Variants in ZSCAN5A observed in about 807,000 individuals in gnomAD.
The protein encoded by ZSCAN5A is zinc finger and SCAN domain-containing protein 5A.
Under a neutral mutation model 23.7 loss-of-function variants are expected in ZSCAN5A, and 12 were observed. The ratio of observed to expected loss-of-function variants is 0.51; its 90% confidence interval spans 0.32 to 0.82. The LOEUF (loss-of-function observed/expected upper bound fraction) is 0.82. Among genes scored for constraint, ZSCAN5A ranks in the 40% least tolerant of loss-of-function variants. ZSCAN5A has a pLI of 0.03. For missense variants in ZSCAN5A, 597 were observed against 617.9 expected (o/e 0.97, Z 0.36); for synonymous variants, 257 against 239.9 (o/e 1.07, Z -0.66).
intron 2 of ZSCAN5A, among the ~76,000 whole-genome samples, chr19:56,237,409 T>C (rs1487960402): frequency 6.6e-6 from 1 of 152,200 alleles, no homozygotes; most frequent in East Asian, 1.9e-4. Context: ...CACTTTATTA[T>C]AAAATAGGTT....
chr19:56,276,129 C>G (rs1263767215), intron 2 of ZSCAN5A, among the ~76,000 whole-genome samples: 2 of 152,216 alleles, frequency 1.3e-5, no homozygotes, highest in African/African-American at 4.8e-5. Flanking sequence ...GTGGAACCCC[C>G]AAGTCTGTAT....
chr19:56,296,911 T>C (rs1221428249), intron 2 of ZSCAN5A, among the ~76,000 whole-genome samples: 3 of 151,828 alleles, frequency 2.0e-5, no homozygotes, highest in Non-Finnish European at 2.9e-5. Context: ...TTTGTAAACA[T>C]AGAAAAAATT....
chr19:56,309,086 T>C (rs1455681113), intron 2 of ZSCAN5A, among the ~76,000 whole-genome samples: 1 of 152,212 alleles, frequency 6.6e-6, no homozygotes, highest in Non-Finnish European at 1.5e-5. Context: ...CAAAACGTAG[T>C]GCATTCATAC....
intron 2 of ZSCAN5A, among the ~76,000 whole-genome samples, chr19:56,275,298 T>C (rs542019316): frequency 1.6e-4 from 25 of 152,238 alleles, no homozygotes; most frequent in Non-Finnish European, 2.8e-4. Flanking sequence ...GCTACAGTGC[T>C]TCTCCAATGG....
At chr19:56,245,762 A>G (rs1458344629) in intron 2 of ZSCAN5A, among the ~76,000 whole-genome samples, 1 of 152,164 alleles carries the variant, frequency 6.6e-6, no homozygotes, top group Non-Finnish European at 1.5e-5. Flanking sequence ...CAAGGAGCGC[A>G]CTTTCTACAG....
chr19:56,270,382 G>A (rs895278926), intron 2 of ZSCAN5A, among the ~76,000 whole-genome samples: 4 of 152,120 alleles, frequency 2.6e-5, no homozygotes, highest in African/African-American at 7.2e-5. Flanking sequence ...TCGTGCCATT[G>A]CAATCCAGCC....
In ZSCAN5A at chr19:56,223,622, C is replaced by T; in HGVS notation, c.588+9G>A. ...CCTCTGCCCAGACACCAAGGCCTCA[C>T]ACACTCACCTGCCTCCTGGACAATG... On this transcript the variant is annotated intron_variant, in intron 4 of 5. Coordinates refer to ENST00000683990, the MANE Select transcript of ZSCAN5A (RefSeq NM_001322064.3). 2 of 1,613,516 alleles carry T rather than the reference C, an allele frequency of 1.2e-6. No homozygotes were observed. The highest frequency in any genetic ancestry group is 8.5e-7 in the Non-Finnish European group (1 of 1,179,874).
chr19:56,229,796 T>G (rs1330276337), intron 2 of ZSCAN5A, among the ~76,000 whole-genome samples: 2 of 152,180 alleles, frequency 1.3e-5, no homozygotes, highest in Non-Finnish European at 2.9e-5. Flanking sequence ...CTTGTGGAAA[T>G]CTTTCACCTC....
chr19:56,284,009 C>A, intron 2 of ZSCAN5A: 1 of 166,142 alleles, frequency 6.0e-6, no homozygotes, highest in Non-Finnish European at 1.2e-5. Context: ...GAGTCTTAGT[C>A]CCTGACTGCT....
At chr19:56,279,443 C>T (rs1490303008) in intron 2 of ZSCAN5A, among the ~76,000 whole-genome samples, 1 of 152,130 alleles carries the variant, frequency 6.6e-6, no homozygotes, top group Non-Finnish European at 1.5e-5. Context: ...ACTGTGAGAA[C>T]ATAATTTAAT....
chr19:56,241,863 C>T (rs1020622913), intron 2 of ZSCAN5A, among the ~76,000 whole-genome samples: 6 of 152,096 alleles, frequency 3.9e-5, no homozygotes, highest in Admixed American at 2.6e-4. Context: ...ATTTTAGATT[C>T]GCTGGGTGCC....
chr19:56,272,112 C>A (rs936039512), intron 2 of ZSCAN5A, among the ~76,000 whole-genome samples: 5 of 152,264 alleles, frequency 3.3e-5, no homozygotes, highest in African/African-American at 9.6e-5. Flanking sequence ...GCTCAGGGTA[C>A]ATAGCTAGTA....
intron 2 of ZSCAN5A, chr19:56,296,548 C>T (rs532585742): frequency 6.6e-6 from 1 of 152,110 alleles, no homozygotes; most frequent in South Asian, 2.1e-4. Context: ...GATGTTAGCT[C>T]TCCTGTACCA....
intron 2 of ZSCAN5A, among the ~76,000 whole-genome samples, chr19:56,339,018 GA>G (rs1302151008): frequency 6.6e-6 from 1 of 152,250 alleles, no homozygotes; most frequent in Non-Finnish European, 1.5e-5. Context: ...GAGAAATACA[GA>G]ACAGGCCTTA....
intron 2 of ZSCAN5A, among the ~76,000 whole-genome samples, chr19:56,238,233 T>C (rs1568628379): frequency 6.6e-6 from 1 of 151,886 alleles, no homozygotes; most frequent in Non-Finnish European, 1.5e-5. Flanking sequence ...TCCCCACTAC[T>C]GGGGAGGCTG....
intron 2 of ZSCAN5A, among the ~76,000 whole-genome samples, chr19:56,252,515 T>G (rs897522792): frequency 2.0e-5 from 3 of 151,954 alleles, no homozygotes; most frequent in African/African-American, 7.3e-5. Flanking sequence ...AGGAGGCTGG[T>G]TTGGGGTTGG....
intron 3 of ZSCAN5A, chr19:56,224,374 T>C: frequency 4.3e-6 from 2 of 468,570 alleles, no homozygotes; most frequent in Non-Finnish European, 7.6e-6. Context: ...TGCCTGTCCA[T>C]CTCCTACACC....
chr19:56,253,960 A>G (rs1003328674), intron 2 of ZSCAN5A, among the ~76,000 whole-genome samples: 8 of 152,224 alleles, frequency 5.3e-5, no homozygotes, highest in African/African-American at 1.7e-4. Context: ...GTTCTAACAG[A>G]TAACAGCTAG....
rs1398898137 is a variant in ZSCAN5A, at chr19:56,339,272, C to CCG, written c.-357-23005_-357-23004insCG. On this transcript the variant is annotated intron_variant, in intron 2 of 6. Coordinates refer to the ZSCAN5A transcript ENST00000587340. ...GCAATATGCAAAGGAGCAGCTGTAG[C>CCG]CATATTTAGCAATATGCGAAGGAGC... Among the ~76,000 whole-genome samples, 216 of 152,216 alleles carry CCG rather than the reference C, an allele frequency of 1.4e-3. 2 individuals carry two copies. The highest frequency in any genetic ancestry group is 3.6e-3 in the African/African-American group (151 of 41,456).
Sources: gnomAD v4.1 joint callset for allele counts (sites outside exome capture counted in the v4.1 genomes callset) on GRCh38, gnomAD v4.1.1 for gene constraint, MANE v1.5 for transcripts, NCBI Gene and HGNC (gene_info 2026-07-23, HGNC 2026-07-21) for gene names.